The following PGBD1 variants were observed in gnomAD, a reference collection of about 807,000 sequenced individuals.
PGBD1 encodes the protein piggyBac transposable element-derived protein 1.
PGBD1 carries 25 observed loss-of-function variants against 34.7 expected under a neutral mutation model. That is an observed-to-expected ratio of 0.72 (90% CI 0.52 to 1.00). The LOEUF (loss-of-function observed/expected upper bound fraction) is 1.00. Ranked by LOEUF, PGBD1 falls within the 50% of genes least tolerant of loss-of-function variation. The probability of loss-of-function intolerance (pLI) is 0.00; values close to 1 mark genes in which losing one functional copy is unlikely to be tolerated. For missense variants in PGBD1, 830 were observed against 959.4 expected, an observed-to-expected ratio of 0.87 and a Z score of 1.78; for synonymous variants, 292 against 335.7, an observed-to-expected ratio of 0.87 and a Z score of 1.42.
Position 28,302,195 on chromosome 6 carries a change from T to C in PGBD1, c.2341T>C (p.Cys781Arg). 1 of 1,614,186 alleles carries C rather than the reference T, an allele frequency of 6.2e-7. No individual in the cohort carries two copies. Residue 781 changes from cysteine (C) to arginine (R), a missense_variant, in exon 7 of 7, where the codon TGT (cysteine) becomes CGT (arginine). Around this residue, in one of 3 missense-constraint regions of PGBD1, gnomAD observed 372 missense variants for 427.9 expected, o/e 0.87. Transcript: ENST00000682144. Reference sequence around the variant, plus strand: ...CAATGCATGGCAACTACACAGAGCCTGTAACCCAGGTGCTTCTCTAGACCC... The same window carrying C: ...CAATGCATGGCAACTACACAGAGCCCGTAACCCAGGTGCTTCTCTAGACCC... ...MNNAWQLHRA[C>R]NPGASLDPLD... is the part of the protein sequence containing the mutation.
chr6:28,296,727 G>T (rs900406959), intron 4 of PGBD1, 89 bp from the exon 5 acceptor site: 1 of 1,448,814 alleles, frequency 6.9e-7, no homozygotes, highest in Non-Finnish European at 9.5e-7. Flanking sequence ...TGGGACTACC[G>T]GTCTACAGCG....
intron 6 of PGBD1, among the ~76,000 whole-genome samples, chr6:28,298,871 T>G (rs551139957): frequency 4.9e-4 from 74 of 152,212 alleles, no homozygotes; most frequent in African/African-American, 1.8e-3. Context: ...GAGGGTTGGC[T>G]TCTGGTGAGG....
chr6:28,301,701 A>G lies in PGBD1; in HGVS notation c.1847A>G (p.Glu616Gly). The G allele has an allele frequency of 6.2e-7, 1 of 1,614,148 alleles. No individual in the cohort carries two copies. Among genetic ancestry groups the G allele is most frequent in the South Asian group, 1.1e-5 (1 of 91,084 alleles). The change falls in exon 7 of 7, where the codon GAG (glutamate) becomes GGG (glycine). Residue 616 changes from glutamate to glycine, a missense_variant. Transcript: ENST00000682144. The stretch of plus-strand genomic sequence containing the variant: ...ATGAACTTCGCTGATGTTCTTTTAG[A>G]GAGAGGTCAGTATCCCTATCACCTG... Reference protein sequence around the residue: ...LVMNFADVLLERGQYPYHLCF... With the variant: ...LVMNFADVLLGRGQYPYHLCF...
At chr6:28,295,251 G>A (rs890162917) in intron 4 of PGBD1, among the ~76,000 whole-genome samples, 4 of 152,200 alleles carry the variant, frequency 2.6e-5, no homozygotes, top group African/African-American at 9.6e-5. Flanking sequence ...TCTTATGGGT[G>A]AGAAAAGAAA....
chr6:28,290,195 A>G (rs922088636), intron 4 of PGBD1, among the ~76,000 whole-genome samples: 1 of 152,162 alleles, frequency 6.6e-6, no homozygotes, highest in South Asian at 2.1e-4. Flanking sequence ...TCCCGAGTTC[A>G]AGTGATCCTT....
At position 28,300,906 on chromosome 6, in the gene PGBD1, G is replaced by T. The variant is rs141451644; in HGVS notation, c.1052G>T (p.Ser351Ile). ...AGAAAAAAAGACAAAGCTCGAGTGA[G>T]TGAACTGCTCCAAGGCCTCTCATTC... ...KGRKKDKARV[S>I]ELLQGLSFSG... Residue 351 changes from serine to isoleucine, a missense_variant, in exon 7 of 7, where the codon AGT (serine) becomes ATT (isoleucine). By Grantham distance (142) the Ser-to-Ile change is moderately radical. Transcript: ENST00000682144. This position sits in a 1 kb window ranked among gnomAD's most constrained non-coding sequence, Gnocchi z 4.0. 195 of 1,614,048 alleles carry T rather than the reference G, an allele frequency of 1.2e-4. No individual in the cohort carries two copies. The highest frequency in any genetic ancestry group is 1.6e-4 in the Non-Finnish European group (189 of 1,180,038).
Position 28,300,833 on chromosome 6 carries a change from C to T in PGBD1, c.979C>T (p.His327Tyr). Residue 327 changes from histidine to tyrosine, a missense_variant, in exon 7 of 7, where the codon CAC becomes TAC. This residue lies in a region of PGBD1 where 457 missense variants were observed against 515.4 expected (regional missense o/e 0.89). Coordinates refer to ENST00000682144, the MANE Select transcript of PGBD1 (RefSeq NM_032507.4). The surrounding 1 kb of genome is among the most constrained non-coding windows in gnomAD (Gnocchi z 4.0). ...RHPGDLWARMHISSLEYAAGD... is the reference protein window; with the variant it reads ...RHPGDLWARMYISSLEYAAGD... ...CCCAGGTGATTTGTGGGCCCGCATG[C>T]ACATCTCATCCCTGGAATATGCTGC... 1 of 1,614,042 alleles carries T rather than the reference C, an allele frequency of 6.2e-7. No individual in the cohort carries two copies. The highest frequency in any genetic ancestry group is 8.5e-7 in the Non-Finnish European group (1 of 1,180,018).
chr6:28,302,344 A>C lies in PGBD1; in HGVS notation c.*60A>C. The C allele has an allele frequency of 6.7e-7, 1 of 1,493,478 alleles. No individual in the cohort carries two copies. Among genetic ancestry groups the C allele is most frequent in the Non-Finnish European group, 9.0e-7 (1 of 1,106,406 alleles). 92.5% of individuals were successfully genotyped at this position (1,493,478 alleles called of 1,614,324 possible). Reference sequence around the variant, plus strand: ...AGACATAGAAAAATAATAATTATACATGCTGTTGTACCCTCCCAAAGTAAA... The same window carrying C: ...AGACATAGAAAAATAATAATTATACCTGCTGTTGTACCCTCCCAAAGTAAA... On this transcript the variant is annotated 3_prime_UTR_variant, in exon 7 of 7. Coordinates refer to ENST00000682144, the MANE Select transcript of PGBD1 (RefSeq NM_032507.4).
chr6:28,300,733 AC>A lies in PGBD1; in HGVS notation c.883del (p.Gln295ArgfsTer17). The A allele has an allele frequency of 6.2e-7, 1 of 1,606,886 alleles. No individual in the cohort carries two copies. Among genetic ancestry groups the A allele is most frequent in the Non-Finnish European group, 8.5e-7 (1 of 1,176,732 alleles). ...ASGKPNRECA[P>X]QIPCSTPIAT... ...TTTTTTTCTTTCCCAGAGAGTGTGC[AC>A]CCCAGATTCCTTGTAGTACTCCTAT... is the stretch of plus-strand genomic sequence containing the variant. On this transcript the variant is annotated frameshift_variant, in exon 7 of 7. Transcript: ENST00000682144. LOFTEE classifies it low-confidence loss of function (END_TRUNC). The surrounding 1 kb of genome is among the most constrained non-coding windows in gnomAD (Gnocchi z 4.0).
rs115398017 is a variant in PGBD1, at chr6:28,302,092, T to C, written c.2238T>C (p.Ile746=). 9.0e-4 allele frequency: 1,449 copies of C among 1,614,112 alleles called. 26 individuals carry two copies. In the Admixed American group the frequency reaches 0.02, roughly 22 times the overall value. The change falls in exon 7 of 7, where the codon ATT becomes ATC. Residue 746 remains isoleucine, a synonymous_variant. Coordinates refer to ENST00000682144, the MANE Select transcript of PGBD1 (RefSeq NM_032507.4). ...GTGTAGCTAAAATGGATCAAATTAT[T>C]TCGAAATACAGGGTGAGGATAAGAA... ...KEGVAKMDQI[I]SKYRVRIRSK...
In PGBD1 at chr6:28,291,657, A is replaced by C. The variant is rs148484870; in HGVS notation, c.642+4489A>C. ...AGACTAGGATACAAAATAAAAAGAA[A>C]ACTACAGACCAACATCACTGATGAG... On this transcript the variant is annotated intron_variant, in intron 4 of 6. Transcript: ENST00000682144. Among the ~76,000 whole-genome samples the C allele has an allele frequency of 4.4e-3, 664 of 152,268 alleles. 2 individuals carry two copies. Among genetic ancestry groups the C allele is most frequent in the Non-Finnish European group, 8.3e-3 (567 of 68,026 alleles).
chr6:28,285,789 T>A, intron 3 of PGBD1, 82 bp downstream of exon 3: 1 of 1,405,352 alleles, frequency 7.1e-7, no homozygotes, highest in African/African-American at 1.4e-5. Flanking sequence ...CAAGTTTGTA[T>A]ACATTGTGAA....
Position 28,283,929 on chromosome 6 carries a change from C to T in PGBD1, c.116C>T (p.Thr39Ile), listed in dbSNP as rs1291043353. The T allele has an allele frequency of 1.2e-6, 2 of 1,614,194 alleles. No homozygotes were observed. Among genetic ancestry groups the T allele is most frequent in the Admixed American group, 1.7e-5 (1 of 60,030 alleles). The change falls in exon 2 of 7, where the codon ACT becomes ATT. Residue 39 changes from threonine (T) to isoleucine (I), a missense_variant. Around this residue, in one of 3 missense-constraint regions of PGBD1, gnomAD observed 457 missense variants for 515.4 expected, o/e 0.89. Coordinates refer to ENST00000682144, the MANE Select transcript of PGBD1 (RefSeq NM_032507.4). Reference sequence around the variant, plus strand: ...AACTCACAGGAGGGCAGCTCCCACACTCAGGAGATTTGCCGCCTGCGCTTT... The same window carrying T: ...AACTCACAGGAGGGCAGCTCCCACATTCAGGAGATTTGCCGCCTGCGCTTT... ...VCNSQEGSSH[T>I]QEICRLRFRH...
Position 28,283,884 on chromosome 6 carries a change from C to T in PGBD1, c.71C>T (p.Pro24Leu). The stretch of plus-strand genomic sequence containing the variant: ...CTTGTGAAAGTGAAGGAGGAAGATC[C>T]CACCTGGGAGCAGGTGTGCAACTCA... ...DGLVKVKEEDPTWEQVCNSQE... is the reference protein window; with the variant it reads ...DGLVKVKEEDLTWEQVCNSQE... Residue 24 changes from proline (P) to leucine (L), a missense_variant, in exon 2 of 7, where the codon CCC becomes CTC. This residue lies in a region of PGBD1 where 457 missense variants were observed against 515.4 expected (regional missense o/e 0.89). Coordinates refer to ENST00000682144, the MANE Select transcript of PGBD1 (RefSeq NM_032507.4). 3 of 1,613,066 alleles carry T rather than the reference C, an allele frequency of 1.9e-6. No individual in the cohort carries two copies. The highest frequency in any genetic ancestry group is 1.3e-5 in the African/African-American group (1 of 75,016).
In PGBD1 at chr6:28,283,995, C is replaced by T; in HGVS notation, c.182C>T (p.Ala61Val). Reference sequence around the variant, plus strand: ...CAGGAGGCTCACGGACCCCAGGAAGCTCTGGCCCAACTCCGAGAACTTTGT... The same window carrying T: ...CAGGAGGCTCACGGACCCCAGGAAGTTCTGGCCCAACTCCGAGAACTTTGT... ...CYQEAHGPQE[A>V]LAQLRELCHQ... is the part of the protein sequence containing the mutation. Residue 61 changes from alanine (A) to valine (V), a missense_variant, in exon 2 of 7, where the codon GCT becomes GTT. Physicochemically the swap from Ala to Val is moderately conservative, Grantham distance 64. Transcript: ENST00000682144. 1 of 1,614,208 alleles carries T rather than the reference C, an allele frequency of 6.2e-7. No individual in the cohort carries two copies. Among genetic ancestry groups the T allele is most frequent in the Non-Finnish European group, 8.5e-7 (1 of 1,180,026 alleles).
chr6:28,287,632 C>T (rs987177875), intron 4 of PGBD1, among the ~76,000 whole-genome samples: 2 of 152,072 alleles, frequency 1.3e-5, no homozygotes, highest in Non-Finnish European at 2.9e-5. Flanking sequence ...ATCTTCTTCA[C>T]AAAATGGACT....
In PGBD1 at chr6:28,300,199, A is replaced by G. The variant is rs1762783353; in HGVS notation, c.870-525A>G. On this transcript the variant is annotated intron_variant, in intron 6 of 6. Coordinates refer to ENST00000682144, the MANE Select transcript of PGBD1 (RefSeq NM_032507.4). This position sits in a 1 kb window ranked among gnomAD's most constrained non-coding sequence, Gnocchi z 4.0. ...TCAGAAATTCTGTGAGAGATGTCAG[A>G]AGACCTGGTAAATAATAACCTTTTT... Among the ~76,000 whole-genome samples the G allele has an allele frequency of 6.6e-6, 1 of 152,192 alleles. No homozygotes were observed. The highest frequency in any genetic ancestry group is 1.5e-5 in the Non-Finnish European group (1 of 68,038).
intron 4 of PGBD1, among the ~76,000 whole-genome samples, chr6:28,293,011 C>T (rs371548412): frequency 6.6e-6 from 1 of 152,260 alleles, no homozygotes; most frequent in South Asian, 2.1e-4. Context: ...GGCGCGATCT[C>T]AGCTCACTGC....
chr6:28,284,481 A>T (rs555463781), intron 2 of PGBD1, among the ~76,000 whole-genome samples: 1 of 150,924 alleles, frequency 6.6e-6, no homozygotes, highest in African/African-American at 2.4e-5. Flanking sequence ...CATATGCAGT[A>T]TTTTTTTTTC....
Sources: allele counts gnomAD v4.1 joint callset (sites outside exome capture counted in the v4.1 genomes callset), GRCh38; gene constraint gnomAD v4.1.1; regional missense constraint gnomAD v4.1.1; non-coding constraint Gnocchi (gnomAD v3.1); transcripts MANE v1.5; gene names NCBI Gene and HGNC (gene_info 2026-07-23, HGNC 2026-07-21).